Variants in WDPCP observed in about 807,000 individuals in gnomAD.
WDPCP encodes WD repeat containing planar cell polarity effector, also known as WD repeat-containing and planar cell polarity effector protein fritz homolog.
In WDPCP, 71 loss-of-function variants were observed where a neutral mutation model predicts 93.1. That is an observed-to-expected ratio of 0.76 (90% CI 0.63 to 0.93). The LOEUF (loss-of-function observed/expected upper bound fraction) is 0.93, where lower values mean the gene tolerates loss of function less well. Among genes scored for constraint, WDPCP ranks in the 40% least tolerant of loss-of-function variants. The pLI is 0.00. For missense variants in WDPCP, 844 were observed against 887.4 expected (o/e 0.95, Z 0.62); for synonymous variants, 315 against 315.0 (o/e 1.00, Z 0.00).
chr2:63,350,310 G>A (rs182980490), intron 12 of WDPCP, among the ~76,000 whole-genome samples: 1 of 152,234 alleles, frequency 6.6e-6, no homozygotes, highest in East Asian at 1.9e-4. Flanking sequence ...GGCTGGGGGA[G>A]GGATAGCATT....
chr2:63,540,955 C>G (rs915555147), intron 1 of WDPCP, among the ~76,000 whole-genome samples: 1 of 150,942 alleles, frequency 6.6e-6, no homozygotes, highest in Non-Finnish European at 1.5e-5. Context: ...GGGGTTTTAC[C>G]ATGTTGCCCA....
intron 12 of WDPCP, among the ~76,000 whole-genome samples, chr2:63,370,505 G>A (rs1411422696): frequency 6.6e-6 from 1 of 151,926 alleles, no homozygotes; most frequent in East Asian, 1.9e-4. Flanking sequence ...TTTTAAAGAT[G>A]TTAAAATTTC....
rs1285847017 is a variant in WDPCP at position 63,228,936 on chromosome 2, G to A, written c.1915+30371C>T. ...ATAGCAGCATGATTTATAATCCTTT[G>A]GGTATATACCCAGTAATGGGATGGC... On this transcript the variant is annotated intron_variant, in intron 14 of 17. Coordinates refer to ENST00000272321, the MANE Select transcript of WDPCP (RefSeq NM_015910.7). 5 of 152,172 alleles carry A rather than the reference G, an allele frequency of 3.3e-5. No individual in the cohort carries two copies. In the South Asian group the frequency reaches 6.2e-4, roughly 19 times the overall value. 9.4% of individuals were successfully genotyped at this position (152,172 alleles called of 1,614,324 possible).
chr2:63,558,840 C>T (rs1304484375), intron 1 of WDPCP, among the ~76,000 whole-genome samples: 1 of 152,156 alleles, frequency 6.6e-6, no homozygotes, highest in Non-Finnish European at 1.5e-5. Flanking sequence ...TACAGCTGAA[C>T]TCTACCACAG....
chr2:63,346,507 T>C (rs1285739622), intron 12 of WDPCP, among the ~76,000 whole-genome samples: 1 of 152,212 alleles, frequency 6.6e-6, no homozygotes. Context: ...TTAGTGCATC[T>C]GCACAGAACA....
At position 63,404,093 on chromosome 2, in the gene WDPCP, G is replaced by C. The variant is rs1419572074; in HGVS notation, c.1390C>G (p.Leu464Val). The C allele has an allele frequency of 6.2e-7, 1 of 1,614,048 alleles. No individual in the cohort carries two copies. Among genetic ancestry groups the C allele is most frequent in the African/African-American group, 1.3e-5 (1 of 75,018 alleles). The change falls in exon 10 of 18, where the codon CTC becomes GTC. Residue 464 changes from leucine (L) to valine (V), a missense_variant. Leu to Val is a conservative substitution (Grantham distance 32). Transcript: ENST00000272321. ...EGSDIYDLLFLRFERGPLGVL... is the reference protein window; with the variant it reads ...EGSDIYDLLFVRFERGPLGVL... ...CCCAAAGGTCCTCTTTCAAACCTGA[G>C]GAAGAGGAGATCATAGATATCACTA...
At chr2:63,218,178 A>G (rs1484814222) in intron 14 of WDPCP, among the ~76,000 whole-genome samples, 2 of 152,126 alleles carry the variant, frequency 1.3e-5, no homozygotes, top group South Asian at 2.1e-4. Context: ...GACCACAAAA[A>G]TTATTTTGTT....
In WDPCP at chr2:63,757,103, G is replaced by A. The variant is rs1467985527; in HGVS notation, n.308+56519C>T. Among the ~76,000 whole-genome samples, 3 of 152,226 alleles carry A rather than the reference G, an allele frequency of 2.0e-5. No individual in the cohort carries two copies. In the South Asian group the frequency reaches 6.2e-4, roughly 32 times the overall value. On this transcript the variant is annotated intron_variant and non_coding_transcript_variant, in intron 2 of 4. Transcript: ENST00000467687. ...ATATATGAGAAATTTGCTCTGTCCTGAAAGAAGGCATATTTCCCAATGTCC... is the reference window on the plus strand; with the variant it reads ...ATATATGAGAAATTTGCTCTGTCCTAAAAGAAGGCATATTTCCCAATGTCC...
At position 63,588,427 on chromosome 2, in the gene WDPCP, C is replaced by T; in HGVS notation, c.-156G>A. ...AAGCAGCCAGGGTGTGCGTGCGCTC[C>T]CGCCTCGTCGCTTAGCAACCTGAGA... On this transcript the variant is annotated 5_prime_UTR_variant, in exon 1 of 18. Transcript: ENST00000272321. 7 of 829,034 alleles carry T rather than the reference C, an allele frequency of 8.4e-6. No homozygotes were observed. The highest frequency in any genetic ancestry group is 7.2e-5 in the South Asian group (5 of 69,148). The allele number at this position is 829,034 out of a possible 1,614,324, so 51.4% of individuals were successfully genotyped here. A position where few individuals can be genotyped will look rare whatever the true frequency, so the allele number is the denominator to read the frequency against.
intron 14 of WDPCP, among the ~76,000 whole-genome samples, chr2:63,219,645 A>C (rs1416969071): frequency 6.6e-6 from 1 of 152,228 alleles, no homozygotes; most frequent in Non-Finnish European, 1.5e-5. Context: ...CACATCTAAA[A>C]AATTCTAATG....
chr2:63,716,663 G>A (rs749278424), intron 2 of WDPCP, among the ~76,000 whole-genome samples: 3 of 152,262 alleles, frequency 2.0e-5, no homozygotes, highest in Non-Finnish European at 2.9e-5. Context: ...GTGTGGGGCC[G>A]ACGGGAGGAC....
At chr2:63,210,248 A>G (rs1218546813) in intron 14 of WDPCP, among the ~76,000 whole-genome samples, 1 of 152,182 alleles carries the variant, frequency 6.6e-6, no homozygotes, top group East Asian at 1.9e-4. Context: ...CTGGATGACT[A>G]CAGAACAAGT....
intron 13 of WDPCP, among the ~76,000 whole-genome samples, chr2:63,287,059 T>G (rs1575063726): frequency 6.6e-6 from 1 of 152,232 alleles, no homozygotes; most frequent in African/African-American, 2.4e-5. Context: ...GATGGCCACC[T>G]TCTTGCTGTG....
At chr2:63,373,339 A>G (rs1446615478) in intron 12 of WDPCP, among the ~76,000 whole-genome samples, 1 of 150,766 alleles carries the variant, frequency 6.6e-6, no homozygotes, top group African/African-American at 2.4e-5. Context: ...AGACTTGAAC[A>G]CCCAGGCTCA....
intron 2 of WDPCP, among the ~76,000 whole-genome samples, chr2:63,673,556 T>C (rs1710371335): frequency 6.6e-6 from 1 of 152,096 alleles, no homozygotes; most frequent in South Asian, 2.1e-4. Context: ...CAGTCATTGG[T>C]GGGAGAGGCT....
In WDPCP at chr2:63,323,017, G is replaced by T. The variant is rs566522833; in HGVS notation, c.1749-9706C>A. 3.9e-5 allele frequency among the ~76,000 whole-genome samples: 6 copies of T among 152,324 alleles called. No homozygotes were observed. The East Asian group carries it at 9.7e-4, about 25-fold the overall frequency. On this transcript the variant is annotated intron_variant, in intron 12 of 17. Coordinates refer to ENST00000272321, the MANE Select transcript of WDPCP (RefSeq NM_015910.7). ...TGACTCTTCAGAGTTGGTAGCGTTG[G>T]TTTGCCTGGAACCAGCTTCCGCTTT...
At chr2:63,497,252 G>A (rs1402824927) in intron 1 of WDPCP, among the ~76,000 whole-genome samples, 5 of 152,108 alleles carry the variant, frequency 3.3e-5, no homozygotes, top group Non-Finnish European at 7.4e-5. Flanking sequence ...GGTGGTCAAG[G>A]AGTGCCCTGT....
intron 15 of WDPCP, among the ~76,000 whole-genome samples, chr2:63,156,610 C>A (rs1034084965): frequency 5.9e-5 from 9 of 151,880 alleles, no homozygotes; most frequent in Admixed American, 2.6e-4. Flanking sequence ...TGGTGGCATG[C>A]ACCTGTAATC....
At chr2:63,637,413 T>A (rs1280737812) in intron 3 of WDPCP, among the ~76,000 whole-genome samples, 20 of 43,418 alleles carry the variant, frequency 4.6e-4, no homozygotes, top group African/African-American at 9.4e-4. Flanking sequence ...AACCAGTGGC[T>A]ACAACAGAAA....
Sources: allele counts gnomAD v4.1 joint callset (sites outside exome capture counted in the v4.1 genomes callset), GRCh38; gene constraint gnomAD v4.1.1; transcripts MANE v1.5; gene names NCBI Gene and HGNC (gene_info 2026-07-23, HGNC 2026-07-21).